The following SYNJ1 variants were observed in gnomAD, a reference collection of about 807,000 sequenced individuals.
The protein encoded by SYNJ1 is synaptojanin 1.
A neutral mutation model predicts 168.2 loss-of-function variants in SYNJ1; 78 were observed. The ratio of observed to expected loss-of-function variants is 0.46; its 90% confidence interval spans 0.39 to 0.56. The LOEUF (loss-of-function observed/expected upper bound fraction) is 0.56, where lower values mean the gene tolerates loss of function less well. Among genes scored for constraint, SYNJ1 ranks in the 20% least tolerant of loss-of-function variants. The probability of loss-of-function intolerance (pLI) is 0.00; values close to 1 mark genes in which losing one functional copy is unlikely to be tolerated. For synonymous variants in SYNJ1, 539 were observed against 548.6 expected (o/e 0.98, Z 0.24); for missense variants, 1,303 against 1,597.6 (o/e 0.82, Z 3.14).
intron 26 of SYNJ1, among the ~76,000 whole-genome samples, chr21:32,644,347 C>A (rs1239941430): frequency 6.6e-6 from 1 of 152,180 alleles, no homozygotes; most frequent in African/African-American, 2.4e-5. Context: ...AATTGCTCAG[C>A]CATGTCACTA....
intron 5 of SYNJ1, 57 bp from the exon 6 acceptor site, chr21:32,694,368 A>G: frequency 2.3e-6 from 3 of 1,332,628 alleles, no homozygotes; most frequent in East Asian, 2.6e-5. Flanking sequence ...TTACACTTAC[A>G]TTAGAAAAAC....
At chr21:32,699,645 G>A (rs1321488287) in intron 4 of SYNJ1, among the ~76,000 whole-genome samples, 193 bp downstream of exon 4, 2 of 152,214 alleles carry the variant, frequency 1.3e-5, no homozygotes, top group African/African-American at 2.4e-5. Context: ...CCCTCAAGGC[G>A]TTGGGACCCA....
intron 2 of SYNJ1, among the ~76,000 whole-genome samples, chr21:32,710,505 CA>C (rs544521926): frequency 1.9e-3 from 293 of 151,762 alleles, no homozygotes; most frequent in Non-Finnish European, 2.9e-3. Flanking sequence ...GTGCATTAGC[CA>C]AAAGTTTAAC....
rs145730527 is a variant in SYNJ1, at chr21:32,722,319, G to A, written c.124+4453C>T. Among the ~76,000 whole-genome samples, 5 of 151,616 alleles carry A rather than the reference G, an allele frequency of 3.3e-5. No homozygotes were observed. In the East Asian group the frequency reaches 9.7e-4, roughly 29 times the overall value. Reference sequence around the variant, plus strand: ...TAATCCCAGCACTTTGGGAGGCCAAGGCAGGTGGATCACTTGAGTTCACGA... The same window carrying A: ...TAATCCCAGCACTTTGGGAGGCCAAAGCAGGTGGATCACTTGAGTTCACGA... On this transcript the variant is annotated intron_variant, in intron 2 of 32. Coordinates refer to ENST00000674351, the MANE Select transcript of SYNJ1 (RefSeq NM_203446.3).
chr21:32,708,344 A>T (rs1365012544), intron 2 of SYNJ1, among the ~76,000 whole-genome samples: 1 of 152,230 alleles, frequency 6.6e-6, no homozygotes, highest in Non-Finnish European at 1.5e-5. Flanking sequence ...CTTTCAAGGC[A>T]TCCACTGCAC....
At position 32,673,552 on chromosome 21, in the gene SYNJ1, T is replaced by C. The variant is rs764529302; in HGVS notation, c.1535-21A>G. The C allele has an allele frequency of 1.3e-5, 21 of 1,562,756 alleles. No homozygotes were observed. The East Asian group carries it at 3.7e-4, about 28-fold the overall frequency. ...AGATGCTAATCAAGAGAAGACACAA[T>C]AGAATTTTAGCTGCATCAAACCATT... On this transcript the variant is annotated intron_variant, in intron 13 of 32. Coordinates refer to ENST00000674351, the MANE Select transcript of SYNJ1 (RefSeq NM_203446.3).
Position 32,727,969 on chromosome 21 carries a change from C to CCTT in SYNJ1, c.-49_-47dup. The CCTT allele has an allele frequency of 1.3e-6, 2 of 1,534,838 alleles. No homozygotes were observed. The highest frequency in any genetic ancestry group is 1.7e-6 in the Non-Finnish European group (2 of 1,146,032). On this transcript the variant is annotated 5_prime_UTR_variant, in exon 1 of 33. Coordinates refer to ENST00000674351, the MANE Select transcript of SYNJ1 (RefSeq NM_203446.3). ...ACCTCTTCCTCCGGCTCCTCCTCCT[C>CCTT]CTTCTCCCGCAGCCGCCGCCACAGC...
intron 2 of SYNJ1, among the ~76,000 whole-genome samples, chr21:32,722,205 A>AAAT (rs1286564956): frequency 2.4e-4 from 16 of 65,754 alleles, no homozygotes; most frequent in East Asian, 1.9e-3. Flanking sequence ...AAAAAAAAAA[A>AAAT]ATATATATAT....
intron 11 of SYNJ1, among the ~76,000 whole-genome samples, chr21:32,680,853 G>A (rs1324615875): frequency 1.3e-5 from 2 of 152,200 alleles, no homozygotes; most frequent in African/African-American, 4.8e-5. Flanking sequence ...CTGGTCTCAA[G>A]TGATCCACCT....
At chr21:32,680,209 T>C (rs1360032220) in intron 11 of SYNJ1, among the ~76,000 whole-genome samples, 1 of 152,092 alleles carries the variant, frequency 6.6e-6, no homozygotes, top group South Asian at 2.1e-4. Context: ...AAAAGAAACT[T>C]TGCAGGTAAG....
intron 16 of SYNJ1, 67 bp downstream of exon 16, chr21:32,666,366 A>T: frequency 1.3e-6 from 2 of 1,554,476 alleles, no homozygotes; most frequent in South Asian, 2.4e-5. Flanking sequence ...AACAATAAAC[A>T]TTCTAGGCTT....
intron 2 of SYNJ1, among the ~76,000 whole-genome samples, chr21:32,721,594 C>T (rs1220182263): frequency 1.3e-5 from 2 of 151,580 alleles, no homozygotes; most frequent in Non-Finnish European, 1.5e-5. Flanking sequence ...CAGGAGAACT[C>T]CTTGAACCCA....
chr21:32,668,891 G>A (rs1360181049), intron 15 of SYNJ1, among the ~76,000 whole-genome samples: 1 of 152,052 alleles, frequency 6.6e-6, no homozygotes, highest in Non-Finnish European at 1.5e-5. Flanking sequence ...CACTGATGGT[G>A]CAAAAGCAAC....
intron 2 of SYNJ1, among the ~76,000 whole-genome samples, chr21:32,705,822 C>CA (rs987166841): frequency 1.3e-5 from 2 of 151,968 alleles, no homozygotes; most frequent in Non-Finnish European, 2.9e-5. Flanking sequence ...CCTGTCTCTA[C>CA]AAAAAAATAT....
intron 2 of SYNJ1, among the ~76,000 whole-genome samples, chr21:32,713,445 T>C (rs1183772215): frequency 1.2e-4 from 14 of 121,036 alleles, no homozygotes; most frequent in Admixed American, 1.1e-3. Flanking sequence ...TTCCCATATG[T>C]CAACATGGAT....
At chr21:32,685,324 T>C (rs2041790419) in intron 9 of SYNJ1, among the ~76,000 whole-genome samples, 1 of 148,846 alleles carries the variant, frequency 6.7e-6, no homozygotes. Context: ...AGATGGCTCA[T>C]GCCTGTAAAC....
chr21:32,697,127 T>C (rs933435895), intron 4 of SYNJ1, among the ~76,000 whole-genome samples: 1 of 152,232 alleles, frequency 6.6e-6, no homozygotes, highest in Non-Finnish European at 1.5e-5. Context: ...TTTTCTTTGC[T>C]GTCAGTGTGT....
In SYNJ1 at chr21:32,657,128, C is replaced by A; in HGVS notation, c.2462-8G>T. The A allele has an allele frequency of 6.4e-7, 1 of 1,563,802 alleles. No homozygotes were observed. Among genetic ancestry groups the A allele is most frequent in the South Asian group, 1.1e-5 (1 of 90,002 alleles). On this transcript the variant is annotated splice_region_variant and splice_polypyrimidine_tract_variant and intron_variant, in intron 19 of 32. Transcript: ENST00000674351. ...GAAGATCTAGATCTTCAGCTGCAGT[C>A]AGAAGAAATGAAAACACAAGAGAAG...
At chr21:32,656,618 T>A in intron 21 of SYNJ1, 69 bp downstream of exon 21, 2 of 1,343,490 alleles carry the variant, frequency 1.5e-6, no homozygotes, top group South Asian at 2.9e-5. Context: ...CTTCCCCAAA[T>A]AAGGTGATTT....
Sources: allele counts gnomAD v4.1 joint callset (sites outside exome capture counted in the v4.1 genomes callset), GRCh38; gene constraint gnomAD v4.1.1; transcripts MANE v1.5; gene names NCBI Gene and HGNC (gene_info 2026-07-23, HGNC 2026-07-21).